Variants in FAAH observed in about 807,000 individuals in gnomAD.
The protein encoded by FAAH is fatty-acid amide hydrolase 1.
FAAH carries 63 observed loss-of-function variants against 69.7 expected under a neutral mutation model. That is an observed-to-expected ratio of 0.90 (90% CI 0.74 to 1.12). FAAH has a LOEUF of 1.12. Ranked by LOEUF, FAAH falls within the 50% of genes most tolerant of loss-of-function variation. The pLI is 0.00. For synonymous variants in FAAH, 305 were observed against 324.2 expected (o/e 0.94, Z 0.64); for missense variants, 680 against 755.0 (o/e 0.90, Z 1.16).
intron 9 of FAAH, 105 bp downstream of exon 9, chr1:46,409,303 A>G: frequency 1.1e-6 from 1 of 894,020 alleles, no homozygotes; most frequent in Non-Finnish European, 1.9e-6. Flanking sequence ...GCTGAATCCA[A>G]CAAAGGCCTG....
At chr1:46,403,326 T>C (rs993358912) in intron 2 of FAAH, among the ~76,000 whole-genome samples, 10 of 151,922 alleles carry the variant, frequency 6.6e-5, no homozygotes, top group Non-Finnish European at 1.3e-4. Context: ...GCCGGGCTGG[T>C]CTGGAACTCC....
At position 46,413,787 on chromosome 1, in the gene FAAH, C is replaced by T; in HGVS notation, c.*212C>T. ...CTCTCTTCGTCCTGATCCCTCCACC[C>T]CCATGTGGCAGCCCATGGGTATGAC... is the stretch of plus-strand genomic sequence containing the variant. On this transcript the variant is annotated 3_prime_UTR_variant, in exon 15 of 15. Coordinates refer to ENST00000243167, the MANE Select transcript of FAAH (RefSeq NM_001441.3). The T allele has an allele frequency of 1.6e-6, 1 of 642,840 alleles. No individual in the cohort carries two copies. Among genetic ancestry groups the T allele is most frequent in the Non-Finnish European group, 2.7e-6 (1 of 370,352 alleles). 39.8% of individuals were successfully genotyped at this position (642,840 alleles called of 1,614,324 possible). A position where few individuals can be genotyped will look rare whatever the true frequency, so the allele number is the denominator to read the frequency against.
Position 46,394,558 on chromosome 1 carries a change from G to A in FAAH, c.195+15G>A, listed in dbSNP as rs200982783. 1.5e-6 allele frequency: 2 copies of A among 1,343,472 alleles called. No homozygotes were observed. The highest frequency in any genetic ancestry group is 1.9e-6 in the Non-Finnish European group (2 of 1,054,584). The allele number at this position is 1,343,472 out of a possible 1,614,324, so 83.2% of individuals were successfully genotyped here. On this transcript the variant is annotated intron_variant, in intron 1 of 14. Coordinates refer to ENST00000243167, the MANE Select transcript of FAAH (RefSeq NM_001441.3). ...TCCGGCTCCAGGTGACTGCCGGAGC[G>A]TAGTGGGATGGGCGCGGCCTGAGGG...
Position 46,405,318 on chromosome 1 carries a change from T to C in FAAH, c.445-54T>C, listed in dbSNP as rs967863645. The C allele has an allele frequency of 4.2e-5, 68 of 1,605,580 alleles. No homozygotes were observed. Among genetic ancestry groups the C allele is most frequent in the Middle Eastern group, 1.9e-4 (1 of 5,366 alleles). The stretch of plus-strand genomic sequence containing the variant: ...TGTGACAGTTGTTGGAGTGGACCCT[T>C]GGCTGCCCACGGGCCCTGACTCACT... On this transcript the variant is annotated intron_variant, in intron 3 of 14. Coordinates refer to ENST00000243167, the MANE Select transcript of FAAH (RefSeq NM_001441.3). The surrounding 1 kb of genome is among the most constrained non-coding windows in gnomAD (Gnocchi z 4.1).
In FAAH at chr1:46,405,844, C is replaced by T. The variant is rs764599266; in HGVS notation, c.785+50C>T. ...GGGCCCCTCGCTGTGTGACCTTGGC[C>T]TAGCTTCCAACCTCTCTGGGCTCCA... is the stretch of plus-strand genomic sequence containing the variant. On this transcript the variant is annotated intron_variant, in intron 5 of 14. Transcript: ENST00000243167. The surrounding 1 kb of genome is among the most constrained non-coding windows in gnomAD (Gnocchi z 4.1). The T allele has an allele frequency of 5.6e-6, 9 of 1,609,398 alleles. No individual in the cohort carries two copies. Among genetic ancestry groups the T allele is most frequent in the Non-Finnish European group, 7.6e-6 (9 of 1,178,164 alleles).
In FAAH at chr1:46,402,330, G is replaced by C. The variant is rs531941686; in HGVS notation, c.309+126G>C. The C allele has an allele frequency of 4.8e-5, 40 of 839,838 alleles. No individual in the cohort carries two copies. The African/African-American group carries it at 5.7e-4, about 12-fold the overall frequency. The allele number at this position is 839,838 out of a possible 1,614,324, so 52.0% of individuals were successfully genotyped here. A position where few individuals can be genotyped will look rare whatever the true frequency, so the allele number is the denominator to read the frequency against. On this transcript the variant is annotated intron_variant, in intron 2 of 14. Coordinates refer to ENST00000243167, the MANE Select transcript of FAAH (RefSeq NM_001441.3). ...ACCTGGCCTGGAGTTAGTCCTGCTG[G>C]GGGCCATGGTGGGACCTACAGTGCC... is the stretch of plus-strand genomic sequence containing the variant.
In FAAH at chr1:46,413,748, C is replaced by T; in HGVS notation, c.*173C>T. 4 of 870,984 alleles carry T rather than the reference C, an allele frequency of 4.6e-6. No homozygotes were observed. The South Asian group carries it at 6.1e-5, about 13-fold the overall frequency. The allele number at this position is 870,984 out of a possible 1,614,324, so 54.0% of individuals were successfully genotyped here. A position where few individuals can be genotyped will look rare whatever the true frequency, so the allele number is the denominator to read the frequency against. On this transcript the variant is annotated 3_prime_UTR_variant, in exon 15 of 15. Transcript: ENST00000243167. ...GACTCCCTGAGTCTGGACCTCCATCCCTGCTCTGGTCCCCTCTCTTCGTCC... is the reference window on the plus strand; with the variant it reads ...GACTCCCTGAGTCTGGACCTCCATCTCTGCTCTGGTCCCCTCTCTTCGTCC...
intron 1 of FAAH, among the ~76,000 whole-genome samples, chr1:46,399,017 A>G (rs1237698854): frequency 6.6e-6 from 1 of 152,144 alleles, no homozygotes; most frequent in African/African-American, 2.4e-5. Context: ...AAGTTTTGAT[A>G]TCTTTTCTAG....
intron 1 of FAAH, among the ~76,000 whole-genome samples, chr1:46,397,460 C>T (rs1664615989): frequency 6.6e-6 from 1 of 152,084 alleles, no homozygotes; most frequent in Admixed American, 6.6e-5. Context: ...TTCAGGTTTC[C>T]AGTGATTGTG....
intron 9 of FAAH, 55 bp downstream of exon 9, chr1:46,409,253 G>T (rs910691407): frequency 2.2e-6 from 3 of 1,394,544 alleles, no homozygotes; most frequent in South Asian, 1.2e-5. Context: ...AGGCAGACCT[G>T]GGGGAGCAGC....
intron 8 of FAAH, 36 bp downstream of exon 8, chr1:46,408,620 CT>C: frequency 6.2e-7 from 1 of 1,613,858 alleles, no homozygotes; most frequent in South Asian, 1.1e-5. Flanking sequence ...CTGGCATCTC[CT>C]CCCCTCACGG....
At position 46,409,213 on chromosome 1, in the gene FAAH, G is replaced by A. The variant is rs202139251; in HGVS notation, c.1175+15G>A. On this transcript the variant is annotated intron_variant, in intron 9 of 14. Coordinates refer to ENST00000243167, the MANE Select transcript of FAAH (RefSeq NM_001441.3). ...CTACAGAACTTGTGAGTGATAGTGG[G>A]CTTTGGGGTCTTGGTGGGATCAGAC... 1.1e-5 allele frequency: 17 copies of A among 1,603,476 alleles called. No individual in the cohort carries two copies. Among genetic ancestry groups the A allele is most frequent in the Non-Finnish European group, 1.5e-5 (17 of 1,170,386 alleles).
Position 46,394,467 on chromosome 1 carries a change from C to T in FAAH, c.119C>T (p.Ala40Val), listed in dbSNP as rs752953187. The change falls in exon 1 of 15, where the codon GCG (alanine) becomes GTG (valine). Residue 40 changes from alanine (A) to valine (V), a missense_variant. Ala to Val is a moderately conservative substitution (Grantham distance 64). Coordinates refer to ENST00000243167, the MANE Select transcript of FAAH (RefSeq NM_001441.3). ...TCCGGGCGCCGGACGGCGCGGGGCGCGGTGGTCCGGGCGCGACAGAGGCAG... is the reference window on the plus strand; with the variant it reads ...TCCGGGCGCCGGACGGCGCGGGGCGTGGTGGTCCGGGCGCGACAGAGGCAG... Reference protein sequence around the residue: ...RWSGRRTARGAVVRARQRQRA... With the variant: ...RWSGRRTARGVVVRARQRQRA... The T allele has an allele frequency of 6.5e-6, 9 of 1,382,120 alleles. No homozygotes were observed. The highest frequency in any genetic ancestry group is 2.5e-4 in the Middle Eastern group (1 of 3,944). 85.6% of individuals were successfully genotyped at this position (1,382,120 alleles called of 1,614,324 possible).
In FAAH at chr1:46,405,034, G is replaced by T. The variant is rs201598101; in HGVS notation, c.330G>T (p.Gly110=). The T allele has an allele frequency of 4.3e-6, 7 of 1,613,964 alleles. No homozygotes were observed. The highest frequency in any genetic ancestry group is 1.3e-5 in the African/African-American group (1 of 74,924). The change falls in exon 3 of 15, where the codon GGG becomes GGT. Residue 110 remains glycine (G), a synonymous_variant. Coordinates refer to ENST00000243167, the MANE Select transcript of FAAH (RefSeq NM_001441.3). This position sits in a 1 kb window ranked among gnomAD's most constrained non-coding sequence, Gnocchi z 4.1. ...YVGKAWEVNK[G]TNCVTSYLAD... is the part of the protein sequence containing the mutation. ...CTCAGGCCTGGGAAGTGAACAAAGG[G>T]ACCAACTGTGTGACCTCCTATCTGG...
intron 1 of FAAH, among the ~76,000 whole-genome samples, chr1:46,398,702 T>G (rs1209903939): frequency 6.6e-6 from 1 of 152,042 alleles, no homozygotes; most frequent in Non-Finnish European, 1.5e-5. Flanking sequence ...ATCCAGCTAA[T>G]TTTTGCATTT....
At chr1:46,408,126 G>A (rs137861403) in intron 7 of FAAH, among the ~76,000 whole-genome samples, 202 of 152,284 alleles carry the variant, frequency 1.3e-3, no homozygotes, top group Non-Finnish European at 2.6e-3. Flanking sequence ...GTGGTGGAGA[G>A]CCTCAGCTCA....
At chr1:46,406,963 A>G (rs750432954) in intron 7 of FAAH, among the ~76,000 whole-genome samples, 2 of 152,030 alleles carry the variant, frequency 1.3e-5, no homozygotes, top group African/African-American at 2.4e-5. Context: ...GGGATGCAGG[A>G]ATCATTTCCC....
chr1:46,412,617 C>A (rs1431762443), intron 13 of FAAH, among the ~76,000 whole-genome samples: 1 of 151,796 alleles, frequency 6.6e-6, no homozygotes, highest in African/African-American at 2.4e-5. Flanking sequence ...CAAGAGCAGT[C>A]CAGGCAACAT....
chr1:46,408,459 G>T lies in FAAH; in HGVS notation c.952G>T (p.Val318Phe). ...TVPPLPFREE[V>F]YTSSQPLRVG... Reference sequence around the variant, plus strand: ...CCTGTCCCCTGTGTTTTCCCTCCAGGTCTACACCAGCTCTCAGCCCCTGCG... The same window carrying T: ...CCTGTCCCCTGTGTTTTCCCTCCAGTTCTACACCAGCTCTCAGCCCCTGCG... The change falls in exon 8 of 15, where the codon GTC (valine) becomes TTC (phenylalanine). Residue 318 changes from valine to phenylalanine, a missense_variant and splice_region_variant. Coordinates refer to ENST00000243167, the MANE Select transcript of FAAH (RefSeq NM_001441.3). 2 of 1,613,826 alleles carry T rather than the reference G, an allele frequency of 1.2e-6. No homozygotes were observed. The highest frequency in any genetic ancestry group is 1.7e-6 in the Non-Finnish European group (2 of 1,179,910).
Sources: gnomAD v4.1 joint callset for allele counts (sites outside exome capture counted in the v4.1 genomes callset) on GRCh38, gnomAD v4.1.1 for gene constraint, Gnocchi (gnomAD v3.1) non-coding constraint, MANE v1.5 for transcripts, NCBI Gene and HGNC (gene_info 2026-07-23, HGNC 2026-07-21) for gene names.